Variants in PALS2 observed in about 807,000 individuals in gnomAD.
PALS2 encodes protein PALS2.
Under a neutral mutation model 61.6 loss-of-function variants are expected in PALS2, and 27 were observed. That is an observed-to-expected ratio of 0.44 (90% CI 0.32 to 0.60). PALS2 has a LOEUF of 0.60. Ranked by LOEUF, PALS2 falls within the 20% of genes least tolerant of loss-of-function variation. The pLI is 0.05. For missense variants in PALS2, 554 were observed against 639.4 expected (o/e 0.87, Z 1.44); for synonymous variants, 236 against 218.6 (o/e 1.08, Z -0.70).
chr7:24,681,525 A>ATT (rs780176633), intron 11 of PALS2, among the ~76,000 whole-genome samples: 2,919 of 138,536 alleles, frequency 0.021, 108 homozygotes, highest in African/African-American at 0.073. Flanking sequence ...TTTCTCCAAG[A>ATT]TTTTTTTTTT....
intron 5 of PALS2, among the ~76,000 whole-genome samples, chr7:24,658,479 T>C (rs1282136079): frequency 2.0e-5 from 3 of 152,228 alleles, no homozygotes; most frequent in African/African-American, 7.2e-5. Flanking sequence ...GCCATTTTGA[T>C]TGGCTGCCAG....
chr7:24,584,932 T>G (rs1783000736), intron 1 of PALS2, among the ~76,000 whole-genome samples: 1 of 151,950 alleles, frequency 6.6e-6, no homozygotes, highest in African/African-American at 2.4e-5. Context: ...CCTTTCCCCA[T>G]TGCTTGTTTT....
At chr7:24,590,692 A>G (rs750095318) in intron 1 of PALS2, among the ~76,000 whole-genome samples, 4 of 151,996 alleles carry the variant, frequency 2.6e-5, no homozygotes, top group Non-Finnish European at 5.9e-5. Context: ...TCTAAGTTGC[A>G]TTTTTCATCT....
chr7:24,674,359 G>C (rs1264904728), intron 9 of PALS2: 4 of 153,274 alleles, frequency 2.6e-5, no homozygotes, highest in African/African-American at 9.7e-5. Context: ...GCCCATCCAT[G>C]TTAGCTCTTA....
chr7:24,637,006 A>G (rs907878249), intron 2 of PALS2, among the ~76,000 whole-genome samples: 2 of 152,168 alleles, frequency 1.3e-5, no homozygotes, highest in African/African-American at 2.4e-5. Flanking sequence ...GGTTATAAAA[A>G]GGTTATTGTG....
At chr7:24,683,622 A>G (rs1435802127) in intron 11 of PALS2, among the ~76,000 whole-genome samples, 1 of 151,930 alleles carries the variant, frequency 6.6e-6, no homozygotes, top group Non-Finnish European at 1.5e-5. Flanking sequence ...GTTCTAGGCC[A>G]GGAATCAGCC....
intron 1 of PALS2, among the ~76,000 whole-genome samples, chr7:24,620,753 T>C (rs1232892341): frequency 2.0e-5 from 3 of 152,196 alleles, no homozygotes; most frequent in South Asian, 2.1e-4. Context: ...ATTTTGGTTA[T>C]GTTGTTTAAA....
In PALS2 at chr7:24,618,731, C is replaced by A. The variant is rs2128054982; in HGVS notation, c.-2-4935C>A. Among the ~76,000 whole-genome samples, 1 of 152,360 alleles carries A rather than the reference C, an allele frequency of 6.6e-6. No homozygotes were observed. The highest frequency in any genetic ancestry group is 2.1e-4 in the South Asian group (1 of 4,826). On this transcript the variant is annotated intron_variant, in intron 1 of 11. Coordinates refer to ENST00000222644, the MANE Select transcript of PALS2 (RefSeq NM_001303037.2). The surrounding 1 kb of genome is among the most constrained non-coding windows in gnomAD (Gnocchi z 5.1). ...AAGTCCCTTCTGACTCTGGGCCATT[C>A]CAGGCTCGGAGGATGGGATGGCAGA...
chr7:24,583,907 C>G (rs571162789), intron 1 of PALS2, among the ~76,000 whole-genome samples: 22 of 151,364 alleles, frequency 1.5e-4, no homozygotes, highest in Non-Finnish European at 2.8e-4. Flanking sequence ...TGAGAATATG[C>G]GGTGTTTGGT....
At chr7:24,625,148 A>G (rs1784688161) in intron 2 of PALS2, among the ~76,000 whole-genome samples, 2 of 152,154 alleles carry the variant, frequency 1.3e-5, no homozygotes, top group Non-Finnish European at 2.9e-5. Context: ...TAATAGCTCC[A>G]GGGTCTGTTG....
At chr7:24,578,804 A>G (rs1037336408) in intron 1 of PALS2, among the ~76,000 whole-genome samples, 28 of 152,204 alleles carry the variant, frequency 1.8e-4, no homozygotes, top group Non-Finnish European at 3.5e-4. Context: ...GTGATAATTA[A>G]TGTTCATACT....
intron 11 of PALS2, 36 bp downstream of exon 11, chr7:24,680,556 T>G (rs1483283492): frequency 6.3e-7 from 1 of 1,588,822 alleles, no homozygotes; most frequent in Non-Finnish European, 8.6e-7. Flanking sequence ...CTAAAATCTT[T>G]CCTTTTCTTT....
At chr7:24,626,698 G>A (rs534358585) in intron 2 of PALS2, among the ~76,000 whole-genome samples, 187 of 151,278 alleles carry the variant, frequency 1.2e-3, no homozygotes, top group African/African-American at 4.3e-3. Flanking sequence ...CCATACAAAT[G>A]TAAAGCAAAA....
At chr7:24,665,897 C>A in intron 7 of PALS2, 124 bp from the exon 8 acceptor site, 1 of 1,035,522 alleles carries the variant, frequency 9.7e-7, no homozygotes, top group Non-Finnish European at 1.4e-6. Context: ...TCACCTCCAC[C>A]CTCTTTTGCT....
chr7:24,609,563 A>AT (rs1194866995), intron 1 of PALS2, among the ~76,000 whole-genome samples: 1 of 151,752 alleles, frequency 6.6e-6, no homozygotes, highest in Non-Finnish European at 1.5e-5. Context: ...GAAAAAAGGA[A>AT]TTTTTTTCTC....
rs1338291897 is a variant in PALS2, at chr7:24,663,846, C to A, written c.783+125C>A. The A allele has an allele frequency of 5.9e-6, 7 of 1,194,790 alleles. No individual in the cohort carries two copies. The East Asian group carries it at 1.7e-4, about 30-fold the overall frequency. The allele number at this position is 1,194,790 out of a possible 1,614,324, so 74.0% of individuals were successfully genotyped here. On this transcript the variant is annotated intron_variant, in intron 6 of 11. Coordinates refer to ENST00000222644, the MANE Select transcript of PALS2 (RefSeq NM_001303037.2). ...AATGATTTTTCCCACATGAACAGCTCCTGCTTCGTGGCTACTAATTTTGTG... is the reference window on the plus strand; with the variant it reads ...AATGATTTTTCCCACATGAACAGCTACTGCTTCGTGGCTACTAATTTTGTG...
Position 24,687,275 on chromosome 7 carries a change from A to C in PALS2, c.1447-163A>C, listed in dbSNP as rs915374303. On this transcript the variant is annotated intron_variant, in intron 11 of 11. Transcript: ENST00000222644. This position sits in a 1 kb window ranked among gnomAD's most constrained non-coding sequence, Gnocchi z 4.5. ...GTTGGAAAGAATAAGACATGAACAG[A>C]TGGCAGTGTTGTCTTTAACACTATA... 6.6e-6 allele frequency among the ~76,000 whole-genome samples: 1 copy of C among 152,258 alleles called. No individual in the cohort carries two copies. The highest frequency in any genetic ancestry group is 1.9e-4 in the East Asian group (1 of 5,208).
In PALS2 at chr7:24,641,797, A is replaced by G. The variant is rs1189989244; in HGVS notation, c.199A>G (p.Ile67Val). 6 of 1,612,948 alleles carry G rather than the reference A, an allele frequency of 3.7e-6. No homozygotes were observed. The highest frequency in any genetic ancestry group is 2.2e-5 in the East Asian group (1 of 44,804). ...LELVNEILED[I>V]TPLINVDENV... is the part of the protein sequence containing the mutation. ...ATTAGTCAATGAAATTCTTGAAGAC[A>G]TCACTCCTCTAATAAATGTGGATGA... The change falls in exon 3 of 12, where the codon ATC becomes GTC. Residue 67 changes from isoleucine (I) to valine (V), a missense_variant. Coordinates refer to ENST00000222644, the MANE Select transcript of PALS2 (RefSeq NM_001303037.2).
chr7:24,587,366 G>A (rs1033446559), intron 1 of PALS2, among the ~76,000 whole-genome samples: 2 of 151,700 alleles, frequency 1.3e-5, no homozygotes, highest in African/African-American at 2.4e-5. Context: ...TAATAGTAAG[G>A]AATATGTTAT....
Sources: allele counts gnomAD v4.1 joint callset (sites outside exome capture counted in the v4.1 genomes callset), GRCh38; gene constraint gnomAD v4.1.1; non-coding constraint Gnocchi (gnomAD v3.1); transcripts MANE v1.5; gene names NCBI Gene and HGNC (gene_info 2026-07-23, HGNC 2026-07-21).